Variants in AGBL4 observed in about 807,000 individuals in gnomAD.
AGBL4 encodes cytosolic carboxypeptidase 6.
Under a neutral mutation model 66.4 loss-of-function variants are expected in AGBL4, and 58 were observed. The ratio of observed to expected loss-of-function variants is 0.87; its 90% confidence interval spans 0.71 to 1.09. The LOEUF is 1.09. Among genes scored for constraint, AGBL4 ranks in the 50% least tolerant of loss-of-function variants. The probability of loss-of-function intolerance (pLI) is 0.00; values close to 1 mark genes in which losing one functional copy is unlikely to be tolerated. For missense variants in AGBL4, 579 were observed against 631.0 expected (o/e 0.92, Z 0.88); for synonymous variants, 234 against 222.9 (o/e 1.05, Z -0.44).
chr1:49,257,178 T>G (rs2148349742), intron 3 of AGBL4, among the ~76,000 whole-genome samples: 2 of 151,068 alleles, frequency 1.3e-5, no homozygotes, highest in African/African-American at 4.9e-5. Context: ...GAAAAAAAAA[T>G]AGAACCACTG....
intron 3 of AGBL4, among the ~76,000 whole-genome samples, chr1:49,583,073 T>C (rs1644576797): frequency 6.6e-6 from 1 of 152,210 alleles, no homozygotes; most frequent in South Asian, 2.1e-4. Flanking sequence ...TTTATTTTAA[T>C]ATTTGCTTCC....
chr1:49,779,170 G>A (rs552869837), intron 2 of AGBL4, among the ~76,000 whole-genome samples: 8 of 152,242 alleles, frequency 5.3e-5, no homozygotes, highest in Admixed American at 2.0e-4. Context: ...CCTTATTCCT[G>A]GTGGTCAAGG....
chr1:48,537,150 T>A (rs1000291327), intron 12 of AGBL4, among the ~76,000 whole-genome samples: 1 of 152,214 alleles, frequency 6.6e-6, no homozygotes. Flanking sequence ...AGTATTTATA[T>A]CCCAAATTAG....
At position 48,787,602 on chromosome 1, in the gene AGBL4, T is replaced by C. The variant is rs1268142707; in HGVS notation, c.634+79589A>G. Among the ~76,000 whole-genome samples, 3 of 152,348 alleles carry C rather than the reference T, an allele frequency of 2.0e-5. No individual in the cohort carries two copies. The East Asian group carries it at 5.8e-4, about 29-fold the overall frequency. ...TATACAACATACAATACATTTTCTT[T>C]TGATAGTTCTTTTCATAGATTCTTT... On this transcript the variant is annotated intron_variant, in intron 6 of 13. Coordinates refer to ENST00000371839, the MANE Select transcript of AGBL4 (RefSeq NM_032785.4).
At chr1:49,620,990 T>G (rs1002009517) in intron 3 of AGBL4, among the ~76,000 whole-genome samples, 2 of 152,142 alleles carry the variant, frequency 1.3e-5, no homozygotes, top group Non-Finnish European at 2.9e-5. Context: ...ACCCATTATT[T>G]TACTGCCTAC....
chr1:49,937,533 A>C (rs1201465168), intron 1 of AGBL4, among the ~76,000 whole-genome samples: 1 of 152,162 alleles, frequency 6.6e-6, no homozygotes, highest in Non-Finnish European at 1.5e-5. Flanking sequence ...TCAACAGAAT[A>C]TACATTTTTT....
chr1:48,600,822 G>C (rs559661840), intron 9 of AGBL4, among the ~76,000 whole-genome samples: 1 of 152,134 alleles, frequency 6.6e-6, no homozygotes, highest in Non-Finnish European at 1.5e-5. Flanking sequence ...AAATAAAAAC[G>C]TATTTTTTTT....
At chr1:48,873,574 G>A (rs765110094) in intron 5 of AGBL4, among the ~76,000 whole-genome samples, 2 of 151,958 alleles carry the variant, frequency 1.3e-5, no homozygotes, top group Non-Finnish European at 2.9e-5. Context: ...CTCCTCTCAG[G>A]GACTAGCCTA....
At chr1:48,701,550 G>A (rs941616141) in intron 6 of AGBL4, among the ~76,000 whole-genome samples, 12 of 151,966 alleles carry the variant, frequency 7.9e-5, no homozygotes. Flanking sequence ...ATGGCGCACT[G>A]CAGCCTCAGC....
intron 3 of AGBL4, among the ~76,000 whole-genome samples, chr1:49,399,518 C>T (rs946587039): frequency 3.3e-5 from 5 of 152,098 alleles, no homozygotes; most frequent in African/African-American, 1.2e-4. Flanking sequence ...TATTGCTTGT[C>T]TTGTGGATAT....
intron 11 of AGBL4, among the ~76,000 whole-genome samples, chr1:48,570,560 T>G (rs533764898): frequency 6.6e-6 from 1 of 152,234 alleles, no homozygotes; most frequent in African/African-American, 2.4e-5. Context: ...TTTTTTTACT[T>G]GTAAGATATA....
chr1:48,809,276 G>A (rs1645997283), intron 6 of AGBL4, among the ~76,000 whole-genome samples: 1 of 152,170 alleles, frequency 6.6e-6, no homozygotes, highest in Non-Finnish European at 1.5e-5. Context: ...CAAAGTGAGG[G>A]AGATGAACAT....
At chr1:49,020,492 ACT>A (rs1663164166) in intron 5 of AGBL4, among the ~76,000 whole-genome samples, 1 of 152,002 alleles carries the variant, frequency 6.6e-6, no homozygotes, top group South Asian at 2.1e-4. Flanking sequence ...CAGGGCAAAG[ACT>A]CTATGATATG....
chr1:49,959,015 T>C (rs1211661793), intron 1 of AGBL4, among the ~76,000 whole-genome samples: 4 of 129,598 alleles, frequency 3.1e-5, no homozygotes, highest in African/African-American at 1.1e-4. Context: ...CAGCCCAAGA[T>C]AAAAAAAAAA....
intron 5 of AGBL4, among the ~76,000 whole-genome samples, chr1:48,882,160 T>C (rs1649855787): frequency 6.6e-6 from 1 of 152,264 alleles, no homozygotes; most frequent in Admixed American, 6.5e-5. Flanking sequence ...TACTACTCAG[T>C]CTTTATGTCA....
chr1:48,667,841 A>G (rs1329842657), intron 6 of AGBL4, among the ~76,000 whole-genome samples: 2 of 152,178 alleles, frequency 1.3e-5, no homozygotes, highest in Admixed American at 1.3e-4. Context: ...AAAGAGCCCT[A>G]GGTGGGTCTC....
chr1:48,773,517 G>C (rs1242584374), intron 6 of AGBL4, among the ~76,000 whole-genome samples: 3 of 152,120 alleles, frequency 2.0e-5, no homozygotes, highest in Admixed American at 2.0e-4. Flanking sequence ...TCTGTAAGAG[G>C]GAGGATGGTA....
intron 3 of AGBL4, among the ~76,000 whole-genome samples, chr1:49,645,267 T>C (rs1272050949): frequency 1.3e-5 from 2 of 151,354 alleles, no homozygotes; most frequent in Admixed American, 6.6e-5. Flanking sequence ...AAAAGTAATA[T>C]GGAAAATTGA....
At chr1:49,068,282 C>A (rs1327217013) in intron 4 of AGBL4, among the ~76,000 whole-genome samples, 1 of 151,356 alleles carries the variant, frequency 6.6e-6, no homozygotes, top group East Asian at 2.0e-4. Flanking sequence ...GCACAACGTG[C>A]AGGTTTGTTA....
Sources: allele counts gnomAD v4.1 joint callset (sites outside exome capture counted in the v4.1 genomes callset), GRCh38; gene constraint gnomAD v4.1.1; transcripts MANE v1.5; gene names NCBI Gene and HGNC (gene_info 2026-07-23, HGNC 2026-07-21).